RANBP2: variants seen among roughly 807,000 people sequenced by gnomAD.
RANBP2 encodes the protein E3 SUMO-protein ligase RanBP2.
A neutral mutation model predicts 303.6 loss-of-function variants in RANBP2; 57 were observed. The ratio of observed to expected loss-of-function variants is 0.19; its 90% CI spans 0.15 to 0.23. The LOEUF is 0.23. Ranked by LOEUF, RANBP2 falls within the 10% of genes least tolerant of loss-of-function variation. The pLI is 1.00. For missense variants in RANBP2, 3,138 were observed against 3,780.8 expected (o/e 0.83, Z 4.46); for synonymous variants, 1,167 against 1,301.5 (o/e 0.90, Z 2.23).
At position 108,783,686 on chromosome 2, in the gene RANBP2, G is replaced by C. The variant is rs144494199; in HGVS notation, c.9460G>C (p.Gly3154Arg). ...EDENFDVKHT[G>R]PGLLSMANQG... ...TGAAAATTTTGATGTGAAACATACT[G>C]GTCCTGGTTTACTATCCATGGCCAA... Residue 3154 changes from glycine (G) to arginine (R), a missense_variant, in exon 29 of 29, where the codon GGT (glycine) becomes CGT (arginine). Gly to Arg is a moderately radical substitution (Grantham distance 125, BLOSUM62 -2). Around this residue, in one of 20 missense-constraint regions of RANBP2, gnomAD observed 204 missense variants for 228.4 expected, o/e 0.89. Transcript: ENST00000283195. 3.1e-6 allele frequency: 5 copies of C among 1,609,622 alleles called. No individual in the cohort carries two copies. The African/African-American group carries it at 5.3e-5, about 17-fold the overall frequency.
the RANBP2 span, chr2:108,846,870 A>C: frequency 1.2e-6 from 2 of 1,613,808 alleles, no homozygotes; most frequent in Non-Finnish European, 1.7e-6. Context: ...TTTCTTTAAG[A>C]GCTCCAATTT....
chr2:109,210,511 C>T, the RANBP2 span, among the ~76,000 whole-genome samples: 1 of 152,306 alleles, frequency 6.6e-6, no homozygotes, highest in East Asian at 1.9e-4. Flanking sequence ...GCTGGAGTAA[C>T]ACCAACCAGA....
At chr2:108,928,911 G>A in the RANBP2 span, among the ~76,000 whole-genome samples, 2 of 152,242 alleles carry the variant, frequency 1.3e-5, no homozygotes, top group African/African-American at 4.8e-5. Context: ...CTACTGCACT[G>A]TAAGTATTCA....
the RANBP2 span, chr2:109,504,165 T>C: frequency 6.6e-6 from 1 of 152,234 alleles, no homozygotes; most frequent in Non-Finnish European, 1.5e-5. Flanking sequence ...CAGGCCATCT[T>C]GCCTCAAAGG....
the RANBP2 span, among the ~76,000 whole-genome samples, chr2:109,142,051 G>GC: frequency 4.6e-5 from 7 of 151,658 alleles, no homozygotes; most frequent in Non-Finnish European, 7.4e-5. Context: ...CCTGGGGGGG[G>GC]GGTCTCAGGT....
At chr2:109,458,028 G>GT in the RANBP2 span, among the ~76,000 whole-genome samples, 1,653 of 152,202 alleles carry the variant, frequency 0.011, 39 homozygotes, top group African/African-American at 0.038. Flanking sequence ...GTTTTATTTT[G>GT]TTTTTTCAGG....
rs1221873029 is a variant in RANBP2 at position 108,764,403 on chromosome 2, T to C, written c.3864T>C (p.Pro1288=). Residue 1288 remains proline (P), a synonymous_variant, in exon 20 of 29, where the codon CCT becomes CCC. Coordinates refer to ENST00000283195, the MANE Select transcript of RANBP2 (RefSeq NM_006267.5). ...PEQLAIRFKT[P]EEAALFKCKF... The stretch of plus-strand genomic sequence containing the variant: ...AACTTGCTATTAGGTTCAAAACTCC[T>C]GAGGAAGCAGCACTTTTTAAATGCA... 3 of 1,614,032 alleles carry C rather than the reference T, an allele frequency of 1.9e-6. No homozygotes were observed. The highest frequency in any genetic ancestry group is 2.5e-6 in the Non-Finnish European group (3 of 1,179,970).
At chr2:109,714,964 T>TTG in the RANBP2 span, among the ~76,000 whole-genome samples, 2 of 16,226 alleles carry the variant, frequency 1.2e-4, no homozygotes, top group Admixed American at 1.7e-3. Flanking sequence ...AGGTTTTTTT[T>TTG]GGGGGGGTGG....
chr2:109,175,195 A>G, the RANBP2 span, among the ~76,000 whole-genome samples: 1 of 152,188 alleles, frequency 6.6e-6, no homozygotes, highest in Non-Finnish European at 1.5e-5. Flanking sequence ...TTTCAGAGTC[A>G]GTGGTGACGT....
the RANBP2 span, among the ~76,000 whole-genome samples, chr2:109,537,014 G>A: frequency 2.0e-5 from 3 of 152,144 alleles, no homozygotes; most frequent in East Asian, 1.9e-4. Context: ...GCCCAGTCTC[G>A]GGTATGTCCT....
At chr2:109,681,477 G>T in the RANBP2 span, among the ~76,000 whole-genome samples, 2 of 152,230 alleles carry the variant, frequency 1.3e-5, no homozygotes, top group Non-Finnish European at 2.9e-5. Context: ...GGTGGGGATA[G>T]ATGTTTAAGA....
chr2:109,385,867 T>A, the RANBP2 span, among the ~76,000 whole-genome samples: 1 of 151,344 alleles, frequency 6.6e-6, no homozygotes, highest in East Asian at 1.9e-4. Flanking sequence ...CCTTTTGTAT[T>A]TAAAAAGAGA....
chr2:109,258,654 C>T, the RANBP2 span, among the ~76,000 whole-genome samples: 1 of 152,224 alleles, frequency 6.6e-6, no homozygotes, highest in Non-Finnish European at 1.5e-5. Context: ...AGCAGGTCAC[C>T]GGTACCTCTA....
chr2:109,228,316 T>C, the RANBP2 span, among the ~76,000 whole-genome samples: 26 of 152,318 alleles, frequency 1.7e-4, no homozygotes, highest in South Asian at 5.2e-3. Flanking sequence ...AATAAATGTG[T>C]TGTAGACAGC....
the RANBP2 span, chr2:109,545,282 A>G: frequency 2.8e-6 from 4 of 1,421,376 alleles, no homozygotes; most frequent in Non-Finnish European, 3.7e-6. Context: ...GGGATACTTA[A>G]GTGGGAGAAA....
the RANBP2 span, among the ~76,000 whole-genome samples, chr2:109,612,658 T>C: frequency 3.9e-5 from 6 of 152,314 alleles, no homozygotes; most frequent in Admixed American, 2.0e-4. Flanking sequence ...ACGTAATCTA[T>C]GAATCAAAGA....
the RANBP2 span, among the ~76,000 whole-genome samples, chr2:108,963,501 C>T: frequency 1.3e-5 from 2 of 152,124 alleles, no homozygotes; most frequent in Non-Finnish European, 2.9e-5. Context: ...CCCATGTCCC[C>T]GTTACCCAAT....
At chr2:109,139,316 T>C in the RANBP2 span, among the ~76,000 whole-genome samples, 1 of 152,160 alleles carries the variant, frequency 6.6e-6, no homozygotes, top group Non-Finnish European at 1.5e-5. Flanking sequence ...ACTGACCTTT[T>C]TTTTTTTACT....
chr2:108,900,461 G>A, the RANBP2 span, among the ~76,000 whole-genome samples: 1 of 151,924 alleles, frequency 6.6e-6, no homozygotes, highest in Admixed American at 6.6e-5. Context: ...GGCTGAGGCA[G>A]GAGAACCACT....
Sources: allele counts gnomAD v4.1 joint callset (sites outside exome capture counted in the v4.1 genomes callset), GRCh38; gene constraint gnomAD v4.1.1; regional missense constraint gnomAD v4.1.1; transcripts MANE v1.5; gene names NCBI Gene and HGNC (gene_info 2026-07-23, HGNC 2026-07-21).